Variants in PDE1A observed in about 807,000 individuals in gnomAD.
The protein encoded by PDE1A is dual specificity calcium/calmodulin-dependent 3',5'-cyclic nucleotide phosphodiesterase 1A.
PDE1A carries 35 observed loss-of-function variants against 61.7 expected under a neutral mutation model. The observed-to-expected ratio is 0.57, with a 90% CI of 0.43 to 0.75. PDE1A has a LOEUF of 0.75. Ranked by LOEUF, PDE1A falls within the 30% of genes least tolerant of loss-of-function variation. PDE1A has a pLI of 0.00. For missense variants in PDE1A, 597 were observed against 630.6 expected, an observed-to-expected ratio of 0.95 and a Z score of 0.57; for synonymous variants, 232 against 213.2, an observed-to-expected ratio of 1.09 and a Z score of -0.77.
At chr2:182,294,282 G>T (rs375057472) in intron 1 of PDE1A, among the ~76,000 whole-genome samples, 2 of 152,136 alleles carry the variant, frequency 1.3e-5, no homozygotes, top group Non-Finnish European at 2.9e-5. Context: ...TAATCAGAGA[G>T]CAATTAATCT....
intron 2 of PDE1A, among the ~76,000 whole-genome samples, chr2:182,467,658 G>C (rs528706277): frequency 1.8e-4 from 28 of 151,996 alleles, no homozygotes; most frequent in Admixed American, 5.9e-4. Flanking sequence ...AAATAAATTA[G>C]CAAATCAAAT....
At chr2:182,702,253 A>AC in the PDE1A span, among the ~76,000 whole-genome samples, 1 of 152,064 alleles carries the variant, frequency 6.6e-6, no homozygotes, top group Non-Finnish European at 1.5e-5. Flanking sequence ...GCAGGCATGT[A>AC]CCACCACACC....
intron 3 of PDE1A, among the ~76,000 whole-genome samples, chr2:182,237,504 CA>C (rs543515595): frequency 1.3e-5 from 2 of 151,986 alleles, no homozygotes; most frequent in South Asian, 2.1e-4. Flanking sequence ...AACACACAAA[CA>C]AAAAACAACA....
At chr2:182,147,846 A>C (rs1449033753) in intron 13 of PDE1A, among the ~76,000 whole-genome samples, 1 of 152,226 alleles carries the variant, frequency 6.6e-6, no homozygotes, top group Non-Finnish European at 1.5e-5. Flanking sequence ...AGTCATATAC[A>C]ATGAAAGTTT....
At chr2:182,582,294 C>T in the PDE1A span, among the ~76,000 whole-genome samples, 5 of 152,090 alleles carry the variant, frequency 3.3e-5, no homozygotes, top group African/African-American at 1.2e-4. Flanking sequence ...TCCAAAAGGG[C>T]ATAAAAATTG....
At chr2:182,395,640 G>A (rs1701661421) in intron 1 of PDE1A, among the ~76,000 whole-genome samples, 1 of 152,188 alleles carries the variant, frequency 6.6e-6, no homozygotes, top group Admixed American at 6.5e-5. Flanking sequence ...CCAATTTTGA[G>A]TGAGGTCCAG....
chr2:182,364,608 C>A (rs1699732805), intron 1 of PDE1A, among the ~76,000 whole-genome samples: 1 of 150,216 alleles, frequency 6.7e-6, no homozygotes. Context: ...ACTTTTCTCT[C>A]AACTTCCAAT....
At chr2:182,537,832 G>C in the PDE1A span, among the ~76,000 whole-genome samples, 8,136 of 152,034 alleles carry the variant, frequency 0.054, 266 homozygotes, top group Middle Eastern at 0.099. Context: ...GAGTGGATGG[G>C]AGAAGTCATG....
intron 1 of PDE1A, among the ~76,000 whole-genome samples, chr2:182,392,567 G>C (rs182870838): frequency 5.9e-5 from 9 of 151,542 alleles, no homozygotes; most frequent in African/African-American, 1.9e-4. Context: ...ACTCATTTCA[G>C]CATTAACGCA....
intron 1 of PDE1A, among the ~76,000 whole-genome samples, chr2:182,411,646 T>C (rs1434264560): frequency 6.6e-6 from 1 of 152,168 alleles, no homozygotes; most frequent in Non-Finnish European, 1.5e-5. Flanking sequence ...TGGTTCTCAA[T>C]TGGTCATAAT....
chr2:182,687,502 G>A, the PDE1A span, among the ~76,000 whole-genome samples: 2 of 152,088 alleles, frequency 1.3e-5, no homozygotes, highest in African/African-American at 2.4e-5. Context: ...CTAACAAACA[G>A]AAAGGACATC....
At chr2:182,303,001 T>C (rs1695344355) in intron 1 of PDE1A, among the ~76,000 whole-genome samples, 1 of 152,204 alleles carries the variant, frequency 6.6e-6, no homozygotes, top group Non-Finnish European at 1.5e-5. Context: ...TACTTCTAAT[T>C]CTAGTTCTCT....
chr2:182,378,116 G>A (rs1700520288), intron 1 of PDE1A, among the ~76,000 whole-genome samples: 1 of 152,176 alleles, frequency 6.6e-6, no homozygotes. Flanking sequence ...AAAGTGCTGG[G>A]ATTACAGGCG....
At chr2:182,614,017 C>T in the PDE1A span, among the ~76,000 whole-genome samples, 2 of 152,196 alleles carry the variant, frequency 1.3e-5, no homozygotes, top group Non-Finnish European at 2.9e-5. Flanking sequence ...GGTATCCTAT[C>T]TGATGTAAAG....
At chr2:182,525,627 A>G (rs972252592), upstream of PDE1A, among the ~76,000 whole-genome samples, 7 of 152,144 alleles carry the variant, frequency 4.6e-5, no homozygotes, top group African/African-American at 1.2e-4. Flanking sequence ...AAGTTTCCTG[A>G]GGCCTCCCCA....
intron 1 of PDE1A, among the ~76,000 whole-genome samples, chr2:182,422,333 A>C (rs1703333169): frequency 6.6e-6 from 1 of 152,222 alleles, no homozygotes; most frequent in African/African-American, 2.4e-5. Context: ...TTTTAAATTC[A>C]TTTTTTCACT....
upstream of PDE1A, among the ~76,000 whole-genome samples, chr2:182,430,205 C>T (rs1459405245): frequency 1.3e-5 from 2 of 149,428 alleles, no homozygotes; most frequent in African/African-American, 2.5e-5. Context: ...GCAACCTACT[C>T]ATCTGACAAA....
intron 2 of PDE1A, among the ~76,000 whole-genome samples, chr2:182,252,359 C>CTCTT (rs1464282666): frequency 6.6e-6 from 1 of 152,196 alleles, no homozygotes; most frequent in East Asian, 1.9e-4. Context: ...GATCCTGTAA[C>CTCTT]TCTTTGTATA....
At chr2:182,303,446 G>A (rs1695374086) in intron 1 of PDE1A, among the ~76,000 whole-genome samples, 2 of 152,194 alleles carry the variant, frequency 1.3e-5, no homozygotes, top group Admixed American at 1.3e-4. Flanking sequence ...GGTCTCAACA[G>A]TGTGCTTACA....
Sources: gnomAD v4.1 joint callset for allele counts (sites outside exome capture counted in the v4.1 genomes callset) on GRCh38, gnomAD v4.1.1 for gene constraint, MANE v1.5 for transcripts, NCBI Gene and HGNC (gene_info 2026-07-23, HGNC 2026-07-21) for gene names.